Variants in PIK3CB observed in about 807,000 individuals in gnomAD.
The protein encoded by PIK3CB is phosphatidylinositol-4,5-bisphosphate 3-kinase catalytic subunit beta.
Under a neutral mutation model 136.8 loss-of-function variants are expected in PIK3CB, and 39 were observed. That is an observed-to-expected ratio of 0.29 (90% CI 0.22 to 0.37). The LOEUF (loss-of-function observed/expected upper bound fraction) is 0.37, where lower values mean the gene tolerates loss of function less well. Among genes scored for constraint, PIK3CB ranks in the 10% least tolerant of loss-of-function variants. The pLI is 1.00. For synonymous variants in PIK3CB, 428 were observed against 436.6 expected (o/e 0.98, Z 0.25); for missense variants, 868 against 1,275.4 (o/e 0.68, Z 4.87).
chr3:138,731,758 G>A (rs947642212), intron 8 of PIK3CB, among the ~76,000 whole-genome samples: 4 of 151,936 alleles, frequency 2.6e-5, no homozygotes, highest in Middle Eastern at 3.4e-3. Flanking sequence ...GCCACAGCAG[G>A]CGGATCACGA....
chr3:138,694,645 G>C, intron 14 of PIK3CB, 141 bp downstream of exon 14: 1 of 810,912 alleles, frequency 1.2e-6, no homozygotes, highest in Non-Finnish European at 1.8e-6. Context: ...TTGGGGAGCT[G>C]GCAGGAGTAC....
chr3:138,759,358 C>G lies in PIK3CB; in HGVS notation c.-15G>C, dbSNP rs1434639917. On this transcript the variant is annotated splice_region_variant and 5_prime_UTR_variant, in exon 3 of 24. Transcript: ENST00000674063. ...CTGAAGCACATTCATAACCACGGGG[C>G]CCTAGAAATCAGTAATTAAAACATA... The G allele has an allele frequency of 6.3e-7, 1 of 1,586,638 alleles. No homozygotes were observed. Among genetic ancestry groups the G allele is most frequent in the Non-Finnish European group, 8.6e-7 (1 of 1,161,686 alleles).
At chr3:138,813,841 A>G (rs1933184805) in intron 1 of PIK3CB, among the ~76,000 whole-genome samples, 1 of 152,186 alleles carries the variant, frequency 6.6e-6, no homozygotes, top group African/African-American at 2.4e-5. Context: ...AAACAATTAG[A>G]TATGAGCATT....
intron 5 of PIK3CB, among the ~76,000 whole-genome samples, chr3:138,742,222 T>G (rs2045259707): frequency 6.6e-6 from 1 of 152,204 alleles, no homozygotes; most frequent in African/African-American, 2.4e-5. Flanking sequence ...TGTTGCATAT[T>G]CTTTTTACTT....
chr3:138,814,861 GGCGCGGTGGCTCAC>G (rs746740320), intron 1 of PIK3CB, among the ~76,000 whole-genome samples: 1 of 151,974 alleles, frequency 6.6e-6, no homozygotes, highest in South Asian at 2.1e-4. Context: ...AATTTGGCCA[GGCGCGGTGGCTCAC>G]GCCTATAATC....
chr3:138,825,370 T>A, intron 1 of PIK3CB: 1 of 591,086 alleles, frequency 1.7e-6, no homozygotes. Flanking sequence ...CTGGCTTATA[T>A]GCTGAAGTGT....
At chr3:138,678,782 T>A (rs1050811783) in intron 19 of PIK3CB, among the ~76,000 whole-genome samples, 1 of 152,090 alleles carries the variant, frequency 6.6e-6, no homozygotes, top group South Asian at 2.1e-4. Flanking sequence ...TTCTTAATGA[T>A]AAAGGAGGGC....
Position 138,755,991 on chromosome 3 carries a change from A to T in PIK3CB, c.172-12T>A, listed in dbSNP as rs2045559339. The T allele has an allele frequency of 6.9e-7, 1 of 1,441,512 alleles. No individual in the cohort carries two copies. Among genetic ancestry groups the T allele is most frequent in the Non-Finnish European group, 9.5e-7 (1 of 1,048,716 alleles). The allele number at this position is 1,441,512 out of a possible 1,614,324, so 89.3% of individuals were successfully genotyped here. A position where few individuals can be genotyped will look rare whatever the true frequency, so the allele number is the denominator to read the frequency against. On this transcript the variant is annotated splice_polypyrimidine_tract_variant and intron_variant, in intron 3 of 23. Transcript: ENST00000674063. Reference sequence around the variant, plus strand: ...TGCTTCCATAACATCTATGAGAAAAAATAAGACATTTTCTGGAATGGAAAC... The same window carrying T: ...TGCTTCCATAACATCTATGAGAAAATATAAGACATTTTCTGGAATGGAAAC...
intron 2 of PIK3CB, among the ~76,000 whole-genome samples, chr3:138,767,987 T>C (rs1472797589): frequency 1.3e-5 from 2 of 152,206 alleles, no homozygotes; most frequent in Non-Finnish European, 2.9e-5. Flanking sequence ...TTAGCCTCAA[T>C]TGGCAGGTCC....
rs772070342 is a variant in PIK3CB, at chr3:138,737,771, T to C, written c.737A>G (p.Tyr246Cys). The C allele has an allele frequency of 6.2e-7, 1 of 1,612,304 alleles. No homozygotes were observed. The highest frequency in any genetic ancestry group is 2.2e-5 in the East Asian group (1 of 44,766). Residue 246 changes from tyrosine (Y) to cysteine (C), a missense_variant, in exon 6 of 24, where the codon TAT becomes TGT. Tyr to Cys is a radical substitution (Grantham distance 194). This residue lies in a region of PIK3CB where 612 missense variants were observed against 801.1 expected (regional missense o/e 0.76). Coordinates refer to ENST00000674063, the MANE Select transcript of PIK3CB (RefSeq NM_006219.3). The stretch of plus-strand genomic sequence containing the variant: ...TACTCTCCCGCTGACTTGCAACACA[T>C]AATCATAGGGGCTAACTTCATCTTC... ...GKEDEVSPYD[Y>C]VLQVSGRVEY...
At chr3:138,726,960 A>T (rs2044852590) in intron 8 of PIK3CB, among the ~76,000 whole-genome samples, 1 of 152,024 alleles carries the variant, frequency 6.6e-6, no homozygotes, top group Admixed American at 6.5e-5. Context: ...CTGAGGCAGG[A>T]GGGTATCTTG....
At chr3:138,709,175 T>C (rs1416170167) in intron 10 of PIK3CB, among the ~76,000 whole-genome samples, 1 of 152,206 alleles carries the variant, frequency 6.6e-6, no homozygotes, top group Non-Finnish European at 1.5e-5. Context: ...ATTATAAATT[T>C]ATCTATTCTT....
intron 3 of PIK3CB, among the ~76,000 whole-genome samples, chr3:138,756,301 T>C (rs1425813805): frequency 1.3e-5 from 2 of 152,158 alleles, no homozygotes; most frequent in South Asian, 2.1e-4. Flanking sequence ...TATAATGGCA[T>C]AGTGCACAAA....
At chr3:138,678,054 C>T (rs898802697) in intron 19 of PIK3CB, among the ~76,000 whole-genome samples, 1 of 152,100 alleles carries the variant, frequency 6.6e-6, no homozygotes, top group Admixed American at 6.5e-5. Flanking sequence ...GGGAGGATCG[C>T]TTGAGGCCAG....
intron 1 of PIK3CB, among the ~76,000 whole-genome samples, chr3:138,803,290 A>G (rs942063036): frequency 6.6e-6 from 1 of 152,176 alleles, no homozygotes; most frequent in African/African-American, 2.4e-5. Context: ...AAAGAACATA[A>G]ATAAGTATTC....
chr3:138,805,020 A>G (rs991203201), intron 1 of PIK3CB, among the ~76,000 whole-genome samples: 20 of 150,462 alleles, frequency 1.3e-4, no homozygotes, highest in African/African-American at 4.9e-4. Context: ...GCGAGACTCC[A>G]TCTCAAAAAA....
intron 19 of PIK3CB, among the ~76,000 whole-genome samples, chr3:138,677,850 GTGCCATTGCACTCT>G (rs1361921735): frequency 6.6e-6 from 1 of 152,130 alleles, no homozygotes; most frequent in Admixed American, 6.6e-5. Context: ...AGCTGAGATC[GTGCCATTGCACTCT>G]GGCCTGGGCA....
At chr3:138,825,234 G>A (rs1220472086) in intron 1 of PIK3CB, 4 of 352,610 alleles carry the variant, frequency 1.1e-5, no homozygotes, top group Non-Finnish European at 2.1e-5. Context: ...AGAAGACAGA[G>A]ACTTTATCAA....
In PIK3CB at chr3:138,718,228, G is replaced by C. The variant is rs544301373; in HGVS notation, c.1051-3509C>G. Reference sequence around the variant, plus strand: ...TTTTTAACAATAGCCATTGCGACTGGTGTGAGATGGTATCTCATTGTGGTT... The same window carrying C: ...TTTTTAACAATAGCCATTGCGACTGCTGTGAGATGGTATCTCATTGTGGTT... On this transcript the variant is annotated intron_variant, in intron 8 of 23. Transcript: ENST00000674063. Among the ~76,000 whole-genome samples the C allele has an allele frequency of 5.3e-5, 8 of 152,256 alleles. No individual in the cohort carries two copies. In the East Asian group the frequency reaches 5.8e-4, roughly 11 times the overall value.
Sources: gnomAD v4.1 joint callset for allele counts (sites outside exome capture counted in the v4.1 genomes callset) on GRCh38, gnomAD v4.1.1 for gene constraint, gnomAD v4.1.1 regional missense constraint, MANE v1.5 for transcripts, NCBI Gene and HGNC (gene_info 2026-07-23, HGNC 2026-07-21) for gene names.